Variants in EYA4 observed in about 807,000 individuals in gnomAD.
EYA4 encodes EYA transcriptional coactivator and phosphatase 4, also known as protein phosphatase EYA4.
Under a neutral mutation model 87.9 loss-of-function variants are expected in EYA4, and 31 were observed. The observed-to-expected ratio is 0.35, with a 90% CI of 0.27 to 0.48. The LOEUF is 0.48. Ranked by LOEUF, EYA4 falls within the 20% of genes least tolerant of loss-of-function variation. The pLI is 0.99. For missense variants in EYA4, 678 were observed against 761.4 expected (o/e 0.89, Z 1.29); for synonymous variants, 263 against 270.6 (o/e 0.97, Z 0.28).
At chr6:133,289,619 C>G (rs1298444349) in intron 2 of EYA4, among the ~76,000 whole-genome samples, 1 of 152,088 alleles carries the variant, frequency 6.6e-6, no homozygotes, top group African/African-American at 2.4e-5. Context: ...ACTATGTGGC[C>G]TGTTTTCCTT....
At chr6:133,386,297 G>T (rs984868515) in intron 3 of EYA4, among the ~76,000 whole-genome samples, 1 of 151,946 alleles carries the variant, frequency 6.6e-6, no homozygotes, top group Non-Finnish European at 1.5e-5. Context: ...GAAAATACAT[G>T]GTTCTTGTTT....
chr6:133,410,559 C>T (rs1227132991), intron 3 of EYA4, among the ~76,000 whole-genome samples: 4 of 122,538 alleles, frequency 3.3e-5, no homozygotes, highest in Non-Finnish European at 5.9e-5. Flanking sequence ...GAGTAAAGTT[C>T]ATGAATTGAC....
Position 133,382,376 on chromosome 6 carries a change from T to A in EYA4, c.34-16T>A, listed in dbSNP as rs373611331. On this transcript the variant is annotated splice_polypyrimidine_tract_variant and intron_variant, in intron 2 of 19. Transcript: ENST00000355286. Reference sequence around the variant, plus strand: ...TGTATTTTCATATGAGAATAACTAGTACTCTTTTCTTACAGGTAAAGAAAA... The same window carrying A: ...TGTATTTTCATATGAGAATAACTAGAACTCTTTTCTTACAGGTAAAGAAAA... The A allele has an allele frequency of 1.9e-6, 3 of 1,572,112 alleles. No homozygotes were observed. The highest frequency in any genetic ancestry group is 8.8e-7 in the Non-Finnish European group (1 of 1,141,872).
Position 133,531,322 on chromosome 6 carries a change from T to C in EYA4, c.*2517T>C, listed in dbSNP as rs1243626564. On this transcript the variant is annotated 3_prime_UTR_variant, in exon 20 of 20. Transcript: ENST00000355286. ...CACAGCTTGGCCATGGGACGTTGAG[T>C]ATGCACAAACTAGAACTCTTCCCTT... The C allele has an allele frequency of 4.5e-6, 4 of 890,752 alleles. No individual in the cohort carries two copies. Among genetic ancestry groups the C allele is most frequent in the Non-Finnish European group, 1.8e-6 (1 of 564,096 alleles). The allele number at this position is 890,752 out of a possible 1,614,324, so 55.2% of individuals were successfully genotyped here.
At chr6:133,248,925 T>A (rs1774656649) in intron 1 of EYA4, 1 of 152,104 alleles carries the variant, frequency 6.6e-6, no homozygotes, top group South Asian at 2.1e-4. Flanking sequence ...AAGATGATGG[T>A]ACTGTTATTT....
chr6:133,289,333 G>A (rs1232733773), intron 2 of EYA4, among the ~76,000 whole-genome samples: 1 of 152,156 alleles, frequency 6.6e-6, no homozygotes, highest in Non-Finnish European at 1.5e-5. Context: ...GTAGATGGAA[G>A]CAGGGTTAGA....
intron 2 of EYA4, among the ~76,000 whole-genome samples, chr6:133,380,100 C>G (rs1192889583): frequency 6.6e-6 from 1 of 152,106 alleles, no homozygotes; most frequent in African/African-American, 2.4e-5. Flanking sequence ...TTAATTTGTT[C>G]TATGAACACT....
intron 11 of EYA4, among the ~76,000 whole-genome samples, chr6:133,472,942 G>T (rs1795402934): frequency 6.6e-6 from 1 of 151,360 alleles, no homozygotes; most frequent in Non-Finnish European, 1.5e-5. Context: ...TTTTCCATTG[G>T]CTTGGTAGAT....
At chr6:133,424,017 C>T (rs754443534) in intron 3 of EYA4, among the ~76,000 whole-genome samples, 8 of 152,282 alleles carry the variant, frequency 5.3e-5, no homozygotes, top group South Asian at 2.1e-4. Context: ...GTATGTCATC[C>T]GTGGAGTGTT....
intron 3 of EYA4, among the ~76,000 whole-genome samples, chr6:133,407,251 G>GT (rs55910301): frequency 0.082 from 10,745 of 130,670 alleles, 495 homozygotes; most frequent in Non-Finnish European, 0.11. Flanking sequence ...GGAGTCTAGG[G>GT]TTTTTTTTTT....
At chr6:133,276,916 AAAG>A (rs869113794) in intron 2 of EYA4, among the ~76,000 whole-genome samples, 1 of 151,466 alleles carries the variant, frequency 6.6e-6, no homozygotes, top group Admixed American at 6.6e-5. Flanking sequence ...AAAAAAAAAA[AAAG>A]AAAAGAAAAA....
intron 7 of EYA4, chr6:133,462,058 G>A (rs1363289619): frequency 2.2e-6 from 1 of 444,690 alleles, no homozygotes; most frequent in Non-Finnish European, 4.2e-6. Flanking sequence ...TGTAGACCTG[G>A]AAGAGACACA....
chr6:133,256,767 A>G (rs982441622), intron 1 of EYA4, among the ~76,000 whole-genome samples: 1 of 152,124 alleles, frequency 6.6e-6, no homozygotes. Flanking sequence ...TATATTAATC[A>G]GTTGATTTTG....
Position 133,328,562 on chromosome 6 carries a change from A to G in EYA4, c.33+53749A>G, listed in dbSNP as rs536116959. ...TGATTGATTTTAGGTAGAGAATAAAATATATGTAGAAGTGAAATCTATCTA... is the reference window on the plus strand; with the variant it reads ...TGATTGATTTTAGGTAGAGAATAAAGTATATGTAGAAGTGAAATCTATCTA... On this transcript the variant is annotated intron_variant, in intron 2 of 19. Coordinates refer to ENST00000355286, the MANE Select transcript of EYA4 (RefSeq NM_004100.5). Among the ~76,000 whole-genome samples the G allele has an allele frequency of 2.0e-5, 3 of 152,278 alleles. No individual in the cohort carries two copies. In the South Asian group the frequency reaches 6.2e-4, roughly 32 times the overall value.
chr6:133,355,791 TAAG>T (rs1291373933), intron 2 of EYA4, among the ~76,000 whole-genome samples: 1 of 152,202 alleles, frequency 6.6e-6, no homozygotes, highest in Non-Finnish European at 1.5e-5. Context: ...TCAATAAAAA[TAAG>T]AGGGCATGCT....
chr6:133,451,847 A>G (rs1240256121), intron 5 of EYA4, among the ~76,000 whole-genome samples: 1 of 152,244 alleles, frequency 6.6e-6, no homozygotes, highest in African/African-American at 2.4e-5. Context: ...AAATCGATAT[A>G]GAAAAGAATC....
At chr6:133,276,650 C>G (rs978033606) in intron 2 of EYA4, among the ~76,000 whole-genome samples, 1 of 152,070 alleles carries the variant, frequency 6.6e-6, no homozygotes, top group South Asian at 2.1e-4. Context: ...CTAGGGAGAC[C>G]TGCCTACCCT....
intron 3 of EYA4, among the ~76,000 whole-genome samples, chr6:133,428,027 T>C (rs1790827946): frequency 6.6e-6 from 1 of 152,154 alleles, no homozygotes; most frequent in Admixed American, 6.6e-5. Flanking sequence ...AATTGAGGGT[T>C]TGAAGACACA....
chr6:133,302,406 A>C lies in EYA4; in HGVS notation c.33+27593A>C, dbSNP rs190970001. Among the ~76,000 whole-genome samples the C allele has an allele frequency of 4.6e-3, 697 of 152,310 alleles. 5 individuals are homozygous for C. Among genetic ancestry groups the C allele is most frequent in the African/African-American group, 0.016 (666 of 41,564 alleles). ...TTTAAGTGCCTGGGATTTCAATCTAATACTAAAGTTGTACAAAAATTCATA... is the reference window on the plus strand; with the variant it reads ...TTTAAGTGCCTGGGATTTCAATCTACTACTAAAGTTGTACAAAAATTCATA... On this transcript the variant is annotated intron_variant, in intron 2 of 19. Transcript: ENST00000355286.
Sources: gnomAD v4.1 joint callset for allele counts (sites outside exome capture counted in the v4.1 genomes callset) on GRCh38, gnomAD v4.1.1 for gene constraint, MANE v1.5 for transcripts, NCBI Gene and HGNC (gene_info 2026-07-23, HGNC 2026-07-21) for gene names.